The following SLC9C1 variants were observed in gnomAD, a reference collection of about 807,000 sequenced individuals.
The protein encoded by SLC9C1 is sodium/hydrogen exchanger 10.
In SLC9C1, 97 loss-of-function variants were observed where a neutral mutation model predicts 140.9. The observed-to-expected ratio is 0.69, with a 90% CI of 0.58 to 0.82. The LOEUF is 0.82. SLC9C1 is among the 40% of genes least tolerant of loss of function. The pLI is 0.00. For missense variants in SLC9C1, 1,340 were observed against 1,389.3 expected, an observed-to-expected ratio of 0.96 and a Z score of 0.56; for synonymous variants, 440 against 442.6, an observed-to-expected ratio of 0.99 and a Z score of 0.07.
chr3:112,211,783 G>C (rs992350105), intron 15 of SLC9C1, among the ~76,000 whole-genome samples: 1 of 152,362 alleles, frequency 6.6e-6, no homozygotes, highest in East Asian at 1.9e-4. Flanking sequence ...TCTGGGGGCA[G>C]GGCATAGCCG....
chr3:112,186,085 A>G, intron 20 of SLC9C1: 1 of 998,432 alleles, frequency 1.0e-6, no homozygotes, highest in Non-Finnish European at 1.4e-6. Flanking sequence ...CCATTAAAAA[A>G]TGAACTTTCT....
At chr3:112,190,851 G>GT (rs1560046468) in intron 20 of SLC9C1, among the ~76,000 whole-genome samples, 3 of 150,370 alleles carry the variant, frequency 2.0e-5, no homozygotes, top group African/African-American at 7.3e-5. Flanking sequence ...TATTTTCCAT[G>GT]TTTGCTTTTA....
chr3:112,240,953 G>A (rs1341462196), intron 11 of SLC9C1, among the ~76,000 whole-genome samples: 1 of 149,306 alleles, frequency 6.7e-6, no homozygotes, highest in African/African-American at 2.5e-5. Context: ...ATAGAGGGTA[G>A]AATGATGGTT....
intron 4 of SLC9C1, 133 bp from the exon 5 acceptor site, chr3:112,277,993 G>A: frequency 1.6e-6 from 1 of 624,956 alleles, no homozygotes; most frequent in Non-Finnish European, 2.6e-6. Context: ...CAGGAGTGGG[G>A]CCATCTAGCT....
intron 23 of SLC9C1, among the ~76,000 whole-genome samples, chr3:112,178,083 C>T (rs1487094677): frequency 6.6e-6 from 1 of 151,548 alleles, no homozygotes; most frequent in African/African-American, 2.4e-5. Flanking sequence ...TATTATATCT[C>T]TTAAGTCCAT....
At chr3:112,172,646 T>C (rs1670052628) in intron 23 of SLC9C1, among the ~76,000 whole-genome samples, 1 of 152,136 alleles carries the variant, frequency 6.6e-6, no homozygotes, top group African/African-American at 2.4e-5. Flanking sequence ...GTCTTAGTTT[T>C]TCATCACTAG....
chr3:112,214,075 C>T (rs2078285151), intron 15 of SLC9C1, among the ~76,000 whole-genome samples: 1 of 152,222 alleles, frequency 6.6e-6, no homozygotes, highest in African/African-American at 2.4e-5. Flanking sequence ...CGCTCAACTA[C>T]ATGGAAACCG....
In SLC9C1 at chr3:112,274,983, A is replaced by C. The variant is rs538333731; in HGVS notation, c.527T>G (p.Leu176Arg). 1.3e-6 allele frequency: 2 copies of C among 1,581,176 alleles called. No individual in the cohort carries two copies. Among genetic ancestry groups the C allele is most frequent in the African/African-American group, 2.7e-5 (2 of 72,826 alleles). Residue 176 changes from leucine to arginine, a missense_variant, in exon 6 of 29, where the codon CTG (leucine) becomes CGG (arginine). Transcript: ENST00000305815. ...AATTAATGATATAACAGAGGTCATC[A>C]GACTTTCTCCATTAATTAAACTGAT... ...SLISLINGES[L>R]MTSVISLITF...
rs1020024184 is a variant in SLC9C1 at position 112,151,263 on chromosome 3, A to G, written c.3524+594T>C. 2.0e-5 allele frequency: 10 copies of G among 492,352 alleles called. No individual in the cohort carries two copies. In the Admixed American group the frequency reaches 2.1e-4, roughly 10 times the overall value. 30.5% of individuals were successfully genotyped at this position (492,352 alleles called of 1,614,324 possible). A position where few individuals can be genotyped will look rare whatever the true frequency, so the allele number is the denominator to read the frequency against. On this transcript the variant is annotated intron_variant, in intron 28 of 28. Coordinates refer to ENST00000305815, the MANE Select transcript of SLC9C1 (RefSeq NM_183061.3). ...TACACACACAAATATTTCCCCATAGATACATTTTGAACAGTTAACTGTCGG... is the reference window on the plus strand; with the variant it reads ...TACACACACAAATATTTCCCCATAGGTACATTTTGAACAGTTAACTGTCGG...
chr3:112,182,394 C>G (rs2077455229), intron 20 of SLC9C1, 136 bp from the exon 21 acceptor site: 5 of 903,124 alleles, frequency 5.5e-6, no homozygotes, highest in African/African-American at 1.7e-5. Flanking sequence ...TTCAACCTCT[C>G]TTTATATCAT....
intron 1 of SLC9C1, among the ~76,000 whole-genome samples, chr3:112,292,812 G>T (rs2080724955): frequency 6.6e-6 from 1 of 151,668 alleles, no homozygotes; most frequent in Non-Finnish European, 1.5e-5. Context: ...CAAAGTGCTG[G>T]GATTACAGGC....
At chr3:112,207,000 T>G (rs959077142) in intron 16 of SLC9C1, among the ~76,000 whole-genome samples, 3 of 152,000 alleles carry the variant, frequency 2.0e-5, no homozygotes, top group African/African-American at 7.2e-5. Flanking sequence ...ATAATAATAA[T>G]AATAATTTGA....
At chr3:112,244,407 A>G (rs546315059) in intron 10 of SLC9C1, among the ~76,000 whole-genome samples, 2 of 152,198 alleles carry the variant, frequency 1.3e-5, no homozygotes, top group South Asian at 4.1e-4. Context: ...GAATACACTT[A>G]TACTTTATCA....
intron 18 of SLC9C1, among the ~76,000 whole-genome samples, chr3:112,201,779 T>G (rs1005256969): frequency 1.3e-5 from 2 of 152,044 alleles, no homozygotes; most frequent in African/African-American, 4.8e-5. Context: ...TTGTTTTCTT[T>G]ACTTCTTTCT....
At chr3:112,239,211 T>G (rs2079073848) in intron 12 of SLC9C1, among the ~76,000 whole-genome samples, 1 of 152,260 alleles carries the variant, frequency 6.6e-6, no homozygotes, top group Non-Finnish European at 1.5e-5. Flanking sequence ...CAGACTGCTA[T>G]GCTAGCAATG....
chr3:112,273,249 C>T (rs528974883), intron 6 of SLC9C1, among the ~76,000 whole-genome samples: 3 of 151,994 alleles, frequency 2.0e-5, no homozygotes, highest in African/African-American at 4.8e-5. Flanking sequence ...TTATGGTGAG[C>T]GCTCTCTGAG....
intron 28 of SLC9C1, among the ~76,000 whole-genome samples, chr3:112,150,781 T>A (rs965055017): frequency 8.2e-5 from 6 of 73,142 alleles, no homozygotes; most frequent in African/African-American, 1.8e-4. Flanking sequence ...TATATATATA[T>A]AAATACATAT....
At chr3:112,179,837 C>A in intron 22 of SLC9C1, 136 bp from the exon 23 acceptor site, 6 of 681,626 alleles carry the variant, frequency 8.8e-6, no homozygotes, top group Non-Finnish European at 1.1e-5. Context: ...TATTTTATTT[C>A]TTTTTAAGTA....
intron 20 of SLC9C1, among the ~76,000 whole-genome samples, chr3:112,198,041 C>T (rs1025235729): frequency 1.3e-5 from 2 of 151,978 alleles, no homozygotes; most frequent in African/African-American, 4.8e-5. Context: ...TTTAGTACTA[C>T]TAGTAGGAAC....
Sources: gnomAD v4.1 joint callset for allele counts (sites outside exome capture counted in the v4.1 genomes callset) on GRCh38, gnomAD v4.1.1 for gene constraint, MANE v1.5 for transcripts, NCBI Gene and HGNC (gene_info 2026-07-23, HGNC 2026-07-21) for gene names.